Variants in AHRR observed in about 807,000 individuals in gnomAD.
AHRR encodes the protein aryl hydrocarbon receptor repressor.
AHRR carries 28 observed loss-of-function variants against 44.0 expected under a neutral mutation model. The observed-to-expected ratio is 0.64, with a 90% confidence interval of 0.47 to 0.87. The LOEUF (loss-of-function observed/expected upper bound fraction) is 0.87. Ranked by LOEUF, AHRR falls within the 40% of genes least tolerant of loss-of-function variation. The pLI, the probability that AHRR is intolerant of heterozygous loss-of-function variation, is 0.00. For synonymous variants in AHRR, 434 were observed against 407.0 expected, an observed-to-expected ratio of 1.07 and a Z score of -0.80; for missense variants, 990 against 953.9, an observed-to-expected ratio of 1.04 and a Z score of -0.50.
At chr5:432,063 C>T (rs892552813) in intron 8 of AHRR, 2 of 242,718 alleles carry the variant, frequency 8.2e-6, no homozygotes, top group African/African-American at 2.3e-5. Flanking sequence ...ACACATGTCC[C>T]GTGTGAGTTG....
intron 4 of AHRR, among the ~76,000 whole-genome samples, chr5:408,083 C>A (rs979263818): frequency 6.6e-6 from 1 of 152,230 alleles, no homozygotes; most frequent in Non-Finnish European, 1.5e-5. Context: ...CCACCCCTGG[C>A]ACTCTGCTTT....
intron 1 of AHRR, among the ~76,000 whole-genome samples, chr5:324,654 T>C (rs1456332499): frequency 1.3e-5 from 2 of 151,958 alleles, no homozygotes; most frequent in Non-Finnish European, 2.9e-5. Flanking sequence ...CCGGGTGTGG[T>C]GGCCTATGCC....
intron 4 of AHRR, among the ~76,000 whole-genome samples, chr5:380,446 C>G (rs1310675162): frequency 6.6e-6 from 1 of 152,166 alleles, no homozygotes; most frequent in African/African-American, 2.4e-5. Context: ...ACAATACTGA[C>G]TCTCCCAATC....
chr5:372,587 G>A (rs1413814258), intron 3 of AHRR, among the ~76,000 whole-genome samples: 4 of 152,218 alleles, frequency 2.6e-5, no homozygotes, highest in East Asian at 3.9e-4. Context: ...AACTTCAGCC[G>A]CAGTCGCTGC....
At chr5:376,552 A>ATGAGAACCGTGGGGTGAAAGCGGG in intron 3 of AHRR, 58 bp from the exon 4 acceptor site, 1 of 1,409,246 alleles carries the variant, frequency 7.1e-7, no homozygotes. Context: ...ATGTGAATGA[A>ATGAGAACCGTGGGGTGAAAGCGGG]GAAGAGTGGC....
chr5:365,341 TAAC>T (rs1415608586), intron 3 of AHRR, among the ~76,000 whole-genome samples: 2 of 151,960 alleles, frequency 1.3e-5, no homozygotes, highest in African/African-American at 2.4e-5. Flanking sequence ...AAATCGATAA[TAAC>T]AAGATAACTT....
chr5:400,011 C>T (rs1252053374), intron 4 of AHRR, among the ~76,000 whole-genome samples: 2 of 152,218 alleles, frequency 1.3e-5, no homozygotes, highest in African/African-American at 4.8e-5. Flanking sequence ...AGTGATCTGC[C>T]TCCAGGAGGC....
At chr5:423,998 C>G (rs888794229) in intron 7 of AHRR, 21 bp downstream of exon 7, 8 of 1,588,732 alleles carry the variant, frequency 5.0e-6, no homozygotes, top group Middle Eastern at 3.3e-4. Context: ...GGGTCCCTGG[C>G]AGGGGGCTCC....
At chr5:390,842 G>A (rs988587704) in intron 4 of AHRR, among the ~76,000 whole-genome samples, 4 of 152,218 alleles carry the variant, frequency 2.6e-5, no homozygotes, top group Non-Finnish European at 1.5e-5. Context: ...AGGAGGCCGG[G>A]AGGAAACGCA....
chr5:433,093 C>T (rs1028124075), intron 10 of AHRR, 146 bp downstream of exon 10: 1 of 1,057,772 alleles, frequency 9.5e-7, no homozygotes, highest in African/African-American at 1.6e-5. Flanking sequence ...GCTAACCTTA[C>T]TCTCTGTGGA....
chr5:348,866 C>CGG (rs1742766154), intron 2 of AHRR, among the ~76,000 whole-genome samples: 1 of 152,244 alleles, frequency 6.6e-6, no homozygotes, highest in South Asian at 2.1e-4. Context: ...CATGCAGTTG[C>CGG]TGGGTGACAC....
rs888167597 is a variant in AHRR, at chr5:406,133, G to A, written c.352-7211G>A. On this transcript the variant is annotated intron_variant, in intron 4 of 10. Coordinates refer to ENST00000684583, the MANE Select transcript of AHRR (RefSeq NM_001377236.1). This position sits in a 1 kb window ranked among gnomAD's most constrained non-coding sequence, Gnocchi z 4.7. ...AAACGGGAAAGGAAAGGCATTGTCC[G>A]GAAGAAGCCTCTTGCAGTGTGGATG... 2.6e-5 allele frequency among the ~76,000 whole-genome samples: 4 copies of A among 152,232 alleles called. No homozygotes were observed. Among genetic ancestry groups the A allele is most frequent in the Admixed American group, 2.0e-4 (3 of 15,282 alleles).
rs1735180891 is a variant in AHRR at position 404,628 on chromosome 5, C to T, written c.352-8716C>T. ...TGGAAAAAACTGTCATAAAAATTCA[C>T]TCTCTTGGTTGAGTCAGTAATACGA... On this transcript the variant is annotated intron_variant, in intron 4 of 10. Transcript: ENST00000684583. The surrounding 1 kb of genome is among the most constrained non-coding windows in gnomAD (Gnocchi z 4.1). 1 of 217,066 alleles carries T rather than the reference C, an allele frequency of 4.6e-6. No individual in the cohort carries two copies. 13.4% of individuals were successfully genotyped at this position (217,066 alleles called of 1,614,324 possible).
In AHRR at chr5:435,276, G is replaced by A. The variant is rs1022991995; in HGVS notation, c.*442G>A. The A allele has an allele frequency of 1.0e-5, 2 of 193,216 alleles. No individual in the cohort carries two copies. The highest frequency in any genetic ancestry group is 1.4e-4 in the East Asian group (1 of 7,350). The allele number at this position is 193,216 out of a possible 1,614,324, so 12.0% of individuals were successfully genotyped here. On this transcript the variant is annotated 3_prime_UTR_variant, in exon 11 of 11. Transcript: ENST00000684583. ...CCGCAGTCGGGGATGAAGCGGTCGG[G>A]TGACACACCTAGCTCAGCCCTCCCA...
intron 1 of AHRR, 33 bp from the exon 2 acceptor site, chr5:343,860 G>A (rs1188356873): frequency 8.2e-6 from 13 of 1,579,556 alleles, no homozygotes; most frequent in South Asian, 2.3e-5. Context: ...CACGTGGCGC[G>A]TTCCGGTGAC....
intron 5 of AHRR, among the ~76,000 whole-genome samples, chr5:414,305 G>A (rs771538924): frequency 2.0e-5 from 3 of 152,074 alleles, no homozygotes; most frequent in Non-Finnish European, 4.4e-5. Flanking sequence ...TCAAGGCCAG[G>A]AGGGGAGCAA....
intron 4 of AHRR, among the ~76,000 whole-genome samples, chr5:378,804 T>A (rs1352555219): frequency 6.6e-6 from 1 of 152,244 alleles, no homozygotes; most frequent in Non-Finnish European, 1.5e-5. Flanking sequence ...GGGTTTAGCA[T>A]GACTCACTGG....
In AHRR at chr5:388,208, C is replaced by G. The variant is rs530079113; in HGVS notation, c.351+11492C>G. ...TGCTTACCTCACAGCTCTATCGTAC[C>G]AGACAGGGGAAAGCTCAGGTTGGAA... On this transcript the variant is annotated intron_variant, in intron 4 of 10. Transcript: ENST00000684583. This position sits in a 1 kb window ranked among gnomAD's most constrained non-coding sequence, Gnocchi z 5.2. 2.0e-4 allele frequency among the ~76,000 whole-genome samples: 30 copies of G among 152,298 alleles called. No homozygotes were observed. The highest frequency in any genetic ancestry group is 7.2e-4 in the African/African-American group (30 of 41,564).
intron 3 of AHRR, among the ~76,000 whole-genome samples, chr5:355,203 T>C (rs968134232): frequency 6.6e-6 from 1 of 152,214 alleles, no homozygotes; most frequent in Non-Finnish European, 1.5e-5. Flanking sequence ...ACCTGGGGTT[T>C]GCCGTATGTG....
Sources: allele counts gnomAD v4.1 joint callset (sites outside exome capture counted in the v4.1 genomes callset), GRCh38; gene constraint gnomAD v4.1.1; non-coding constraint Gnocchi (gnomAD v3.1); transcripts MANE v1.5; gene names NCBI Gene and HGNC (gene_info 2026-07-23, HGNC 2026-07-21).